Variants in CSMD1 observed in about 807,000 individuals in gnomAD.
CSMD1 encodes the protein CUB and Sushi multiple domains 1.
CSMD1 carries 213 observed loss-of-function variants against 417.5 expected under a neutral mutation model. The observed-to-expected ratio is 0.51, with a 90% CI of 0.46 to 0.57. CSMD1 has a LOEUF of 0.57. Ranked by LOEUF, CSMD1 falls within the 20% of genes least tolerant of loss-of-function variation. CSMD1 has a pLI of 0.00. For missense variants in CSMD1, 6,923 were observed against 4,529.7 expected (o/e 1.53, Z -15.17); for synonymous variants, 2,862 against 1,736.8 (o/e 1.65, Z -16.11).
intron 3 of CSMD1, among the ~76,000 whole-genome samples, chr8:4,163,463 T>C (rs551097084): frequency 6.6e-6 from 1 of 152,354 alleles, no homozygotes; most frequent in East Asian, 1.9e-4. Context: ...TTTTAATGTG[T>C]GAGTTACTTT....
chr8:3,101,933 C>T (rs2129012895), intron 46 of CSMD1, among the ~76,000 whole-genome samples: 1 of 151,538 alleles, frequency 6.6e-6, no homozygotes, highest in East Asian at 2.0e-4. Flanking sequence ...TCCAGAGCAG[C>T]TGGGATTACA....
intron 5 of CSMD1, among the ~76,000 whole-genome samples, chr8:3,985,237 G>T (rs564122403): frequency 3.9e-5 from 6 of 152,268 alleles, no homozygotes; most frequent in African/African-American, 9.6e-5. Flanking sequence ...GTTATAAATT[G>T]AAGTCCCATT....
At chr8:3,952,809 A>T (rs772493292) in intron 5 of CSMD1, among the ~76,000 whole-genome samples, 3 of 152,248 alleles carry the variant, frequency 2.0e-5, no homozygotes, top group African/African-American at 4.8e-5. Context: ...CAATACTCTC[A>T]TTAATCAAAG....
At chr8:4,741,454 G>A (rs1810599690) in intron 1 of CSMD1, among the ~76,000 whole-genome samples, 1 of 152,126 alleles carries the variant, frequency 6.6e-6, no homozygotes, top group Non-Finnish European at 1.5e-5. Context: ...GTTGAAATAT[G>A]TAATATTTAT....
chr8:4,142,159 C>T (rs1348769305), intron 3 of CSMD1, among the ~76,000 whole-genome samples: 2 of 151,102 alleles, frequency 1.3e-5, no homozygotes, highest in Non-Finnish European at 2.9e-5. Flanking sequence ...AAAAATGATA[C>T]TGGTGAATAC....
At chr8:4,661,183 A>G (rs934616038) in intron 1 of CSMD1, among the ~76,000 whole-genome samples, 9 of 152,208 alleles carry the variant, frequency 5.9e-5, no homozygotes, top group Admixed American at 3.9e-4. Context: ...TAGCAGCGTT[A>G]TCTGGAATAA....
intron 2 of CSMD1, among the ~76,000 whole-genome samples, chr8:4,586,072 T>C (rs561674140): frequency 6.6e-6 from 1 of 152,334 alleles, no homozygotes; most frequent in African/African-American, 2.4e-5. Flanking sequence ...ACACATGATA[T>C]TTTCACACAA....
At chr8:3,761,751 C>G (rs2720783) in intron 5 of CSMD1, among the ~76,000 whole-genome samples, 102,263 of 151,898 alleles carry the variant, frequency 0.67, 34,518 homozygotes, top group Non-Finnish European at 0.69. Context: ...GGTGATCCAT[C>G]TGCTTAGGCC....
intron 5 of CSMD1, among the ~76,000 whole-genome samples, chr8:3,924,248 C>G (rs753518892): frequency 1.4e-4 from 22 of 152,166 alleles, no homozygotes; most frequent in Non-Finnish European, 2.2e-4. Context: ...TGCTGATGTT[C>G]TTGTAGGGAT....
At chr8:3,309,163 T>TGTCA (rs1310368723) in intron 23 of CSMD1, among the ~76,000 whole-genome samples, 1 of 152,142 alleles carries the variant, frequency 6.6e-6, no homozygotes, top group Non-Finnish European at 1.5e-5. Flanking sequence ...TTTGCCCCTC[T>TGTCA]GTCACAACCT....
chr8:4,843,679 G>A (rs1384238010), intron 1 of CSMD1, among the ~76,000 whole-genome samples: 1 of 152,068 alleles, frequency 6.6e-6, no homozygotes, highest in Non-Finnish European at 1.5e-5. Flanking sequence ...TAATTATTTT[G>A]GTATGTGTTT....
chr8:4,348,332 A>T (rs764349392), intron 3 of CSMD1, among the ~76,000 whole-genome samples: 16 of 152,182 alleles, frequency 1.1e-4, no homozygotes, highest in Non-Finnish European at 2.2e-4. Flanking sequence ...GTGAGGCCAC[A>T]GCAGCGAAGT....
intron 49 of CSMD1, among the ~76,000 whole-genome samples, chr8:3,053,439 G>T (rs571336378): frequency 1.3e-5 from 2 of 151,906 alleles, no homozygotes; most frequent in Non-Finnish European, 2.9e-5. Context: ...CCTTTTTATT[G>T]TTCCTCTCCC....
At chr8:4,259,937 T>A (rs183472366) in intron 3 of CSMD1, among the ~76,000 whole-genome samples, 2 of 152,326 alleles carry the variant, frequency 1.3e-5, no homozygotes, top group Non-Finnish European at 2.9e-5. Context: ...ATTATATCCA[T>A]TTTGCTAACA....
chr8:4,708,764 G>A (rs1324596558), intron 1 of CSMD1, among the ~76,000 whole-genome samples: 1 of 152,062 alleles, frequency 6.6e-6, no homozygotes, highest in East Asian at 1.9e-4. Context: ...CCCCCAGCAT[G>A]GGACTATATT....
intron 51 of CSMD1, among the ~76,000 whole-genome samples, chr8:3,018,883 T>G (rs1378490279): frequency 6.6e-6 from 1 of 152,186 alleles, no homozygotes; most frequent in African/African-American, 2.4e-5. Flanking sequence ...TAACGTGGAT[T>G]CCAAAACATT....
At chr8:3,790,342 G>GTGA (rs969405945) in intron 5 of CSMD1, among the ~76,000 whole-genome samples, 12 of 152,054 alleles carry the variant, frequency 7.9e-5, no homozygotes, top group Admixed American at 7.9e-4. Context: ...GATGGTGATG[G>GTGA]TGATGATGAT....
At chr8:4,980,709 C>T (rs985284888) in intron 1 of CSMD1, among the ~76,000 whole-genome samples, 2 of 152,042 alleles carry the variant, frequency 1.3e-5, no homozygotes, top group African/African-American at 2.4e-5. Context: ...CCAAGACCAG[C>T]GTGGACAACA....
chr8:2,970,019 G>A (rs532072292), intron 57 of CSMD1, among the ~76,000 whole-genome samples: 2 of 152,242 alleles, frequency 1.3e-5, no homozygotes, highest in Admixed American at 1.3e-4. Flanking sequence ...TGTGTATGCA[G>A]CTTTTAAGGG....
Sources: allele counts gnomAD v4.1 joint callset (sites outside exome capture counted in the v4.1 genomes callset), GRCh38; gene constraint gnomAD v4.1.1; transcripts MANE v1.5; gene names NCBI Gene and HGNC (gene_info 2026-07-23, HGNC 2026-07-21).